The following GRHL2 variants were observed in gnomAD, a reference collection of about 807,000 sequenced individuals.
The protein encoded by GRHL2 is grainyhead-like protein 2 homolog.
A neutral mutation model predicts 83.8 loss-of-function variants in GRHL2; 21 were observed. That is an observed-to-expected ratio of 0.25 (90% CI 0.18 to 0.36). GRHL2 has a LOEUF of 0.36. Ranked by LOEUF, GRHL2 falls within the 10% of genes least tolerant of loss-of-function variation. The pLI is 1.00. For missense variants in GRHL2, 623 were observed against 781.8 expected, an observed-to-expected ratio of 0.80 and a Z score of 2.42; for synonymous variants, 280 against 278.9, an observed-to-expected ratio of 1.00 and a Z score of -0.04.
intron 1 of GRHL2, among the ~76,000 whole-genome samples, chr8:101,520,490 C>A (rs1035616333): frequency 5.9e-5 from 9 of 152,148 alleles, no homozygotes; most frequent in Non-Finnish European, 1.3e-4. Flanking sequence ...ATTTCAGTAA[C>A]TGCCTTGTTG....
intron 13 of GRHL2, among the ~76,000 whole-genome samples, chr8:101,645,154 G>A (rs1372658470): frequency 5.2e-5 from 3 of 58,104 alleles, no homozygotes; most frequent in Non-Finnish European, 1.0e-4. Flanking sequence ...TTTTTTTTTT[G>A]ACAAAGTCTT....
chr8:101,516,065 A>T (rs1472280418), intron 1 of GRHL2, among the ~76,000 whole-genome samples: 1 of 151,982 alleles, frequency 6.6e-6, no homozygotes, highest in Non-Finnish European at 1.5e-5. Flanking sequence ...TATGAATGTA[A>T]CCTCATGCTT....
intron 1 of GRHL2, among the ~76,000 whole-genome samples, chr8:101,496,399 ATTTCT>A (rs1810106434): frequency 1.3e-5 from 2 of 152,254 alleles, no homozygotes; most frequent in East Asian, 3.9e-4. Flanking sequence ...GCTATGCAAA[ATTTCT>A]TTTAAGGTTA....
chr8:101,571,640 TTAC>T (rs1310275761), intron 5 of GRHL2, among the ~76,000 whole-genome samples: 3 of 152,276 alleles, frequency 2.0e-5, no homozygotes, highest in African/African-American at 7.2e-5. Context: ...TGGTCCCTCT[TTAC>T]TTAAAATCTC....
intron 3 of GRHL2, among the ~76,000 whole-genome samples, chr8:101,554,247 T>A (rs1037830795): frequency 1.3e-5 from 2 of 152,214 alleles, no homozygotes; most frequent in African/African-American, 4.8e-5. Flanking sequence ...AGCTCCACAC[T>A]GCCCTGGAGT....
chr8:101,678,935 C>G, the GRHL2 span, among the ~76,000 whole-genome samples: 1 of 131,506 alleles, frequency 7.6e-6, no homozygotes, highest in Non-Finnish European at 1.6e-5. Flanking sequence ...ACATCACCAT[C>G]ATCAAAGACC....
chr8:101,542,790 G>T, intron 1 of GRHL2: 1 of 456,730 alleles, frequency 2.2e-6, no homozygotes, highest in Non-Finnish European at 4.4e-6. Context: ...GGGAAAGATG[G>T]AAGGGTAAAG....
At chr8:101,673,823 C>A (rs1814248164), downstream of GRHL2, among the ~76,000 whole-genome samples, 2 of 152,034 alleles carry the variant, frequency 1.3e-5, no homozygotes, top group South Asian at 4.2e-4. Context: ...CACTCTTCAG[C>A]AAATGTAAAA....
chr8:101,517,927 C>T (rs1361146726), intron 1 of GRHL2, among the ~76,000 whole-genome samples: 1 of 152,140 alleles, frequency 6.6e-6, no homozygotes, highest in Non-Finnish European at 1.5e-5. Context: ...ATAGAAGAGA[C>T]AGGCAACTCG....
intron 12 of GRHL2, among the ~76,000 whole-genome samples, chr8:101,643,655 C>T (rs1813449059): frequency 2.0e-5 from 3 of 152,270 alleles, no homozygotes; most frequent in Non-Finnish European, 4.4e-5. Flanking sequence ...AAAGCCACAT[C>T]ACAGAACTCA....
At chr8:101,639,873 TACTC>T (rs1273953630) in intron 12 of GRHL2, among the ~76,000 whole-genome samples, 2 of 152,378 alleles carry the variant, frequency 1.3e-5, no homozygotes, top group Non-Finnish European at 2.9e-5. Context: ...CGTTGATTAA[TACTC>T]ACATAAATTA....
intron 1 of GRHL2, among the ~76,000 whole-genome samples, chr8:101,509,107 C>CTCCTTCCTTCCT (rs4002326): frequency 1.9e-4 from 18 of 94,846 alleles, no homozygotes; most frequent in African/African-American, 6.5e-4. Flanking sequence ...CTTTCTTTCT[C>CTCCTTCCTTCCT]TCCTTCCTTC....
chr8:101,632,865 GC>G (rs1418334383), intron 11 of GRHL2, among the ~76,000 whole-genome samples: 1 of 152,166 alleles, frequency 6.6e-6, no homozygotes, highest in Non-Finnish European at 1.5e-5. Context: ...TTGTAGGCAA[GC>G]CCCCTTAAAA....
chr8:101,673,029 GC>G (rs1379708980), downstream of GRHL2, among the ~76,000 whole-genome samples: 1 of 150,420 alleles, frequency 6.6e-6, no homozygotes, highest in Non-Finnish European at 1.5e-5. Flanking sequence ...CACCAGGCCT[GC>G]CCTAAAAGAG....
intron 12 of GRHL2, among the ~76,000 whole-genome samples, chr8:101,637,528 G>C (rs1813314074): frequency 6.6e-6 from 1 of 152,212 alleles, no homozygotes; most frequent in Admixed American, 6.5e-5. Context: ...TTTAGGAGCA[G>C]CCAGATCTTC....
intron 14 of GRHL2, 151 bp downstream of exon 14, chr8:101,649,650 G>A (rs1005962090): frequency 1.3e-5 from 9 of 705,466 alleles, no homozygotes; most frequent in Admixed American, 2.1e-5. Context: ...CATTGATCTC[G>A]CTACTGTCAA....
intron 13 of GRHL2, among the ~76,000 whole-genome samples, chr8:101,646,229 C>T (rs912153311): frequency 1.3e-5 from 2 of 152,184 alleles, no homozygotes; most frequent in Non-Finnish European, 2.9e-5. Flanking sequence ...ACATTTGAAC[C>T]TCATTCTTGG....
intron 1 of GRHL2, among the ~76,000 whole-genome samples, chr8:101,528,478 C>T (rs1586422631): frequency 1.3e-5 from 2 of 151,232 alleles, no homozygotes; most frequent in African/African-American, 4.9e-5. Context: ...AAAAACACAA[C>T]AGCTTTAAGT....
chr8:101,618,992 G>A (rs1184538431), intron 8 of GRHL2, among the ~76,000 whole-genome samples: 1 of 152,116 alleles, frequency 6.6e-6, no homozygotes, highest in Non-Finnish European at 1.5e-5. Flanking sequence ...GGTGGCTCAC[G>A]CCTGTCATCC....
Sources: gnomAD v4.1 joint callset for allele counts (sites outside exome capture counted in the v4.1 genomes callset) on GRCh38, gnomAD v4.1.1 for gene constraint, MANE v1.5 for transcripts, NCBI Gene and HGNC (gene_info 2026-07-23, HGNC 2026-07-21) for gene names.